Variants in ZC3H13 observed in about 807,000 individuals in gnomAD.
The protein encoded by ZC3H13 is zinc finger CCCH domain-containing protein 13.
A neutral mutation model predicts 204.1 loss-of-function variants in ZC3H13; 64 were observed. That is an observed-to-expected ratio of 0.31 (90% CI 0.26 to 0.39). ZC3H13 has a LOEUF of 0.39. ZC3H13 is among the 10% of genes least tolerant of loss of function. ZC3H13 has a pLI of 1.00. For synonymous variants in ZC3H13, 667 were observed against 693.7 expected (o/e 0.96, Z 0.60); for missense variants, 1,833 against 2,082.7 (o/e 0.88, Z 2.33).
chr13:46,014,598 C>T (rs1399996898), intron 5 of ZC3H13, among the ~76,000 whole-genome samples: 1 of 152,160 alleles, frequency 6.6e-6, no homozygotes, highest in Non-Finnish European at 1.5e-5. Context: ...GAGACGTTTT[C>T]TAAATTCATT....
At chr13:45,970,952 T>C (rs1013579523) in intron 12 of ZC3H13, among the ~76,000 whole-genome samples, 1 of 152,218 alleles carries the variant, frequency 6.6e-6, no homozygotes, top group Non-Finnish European at 1.5e-5. Flanking sequence ...TTGAAGTCAC[T>C]GAACCTTAGT....
At chr13:45,995,965 T>G (rs2040305676) in intron 8 of ZC3H13, among the ~76,000 whole-genome samples, 1 of 152,210 alleles carries the variant, frequency 6.6e-6, no homozygotes, top group African/African-American at 2.4e-5. Context: ...ATTTTTTCAT[T>G]TGACCACAAA....
At chr13:45,965,158 G>A in intron 16 of ZC3H13, 122 bp downstream of exon 16, 1 of 1,264,930 alleles carries the variant, frequency 7.9e-7, no homozygotes, top group East Asian at 2.7e-5. Context: ...TCAACCTTAA[G>A]TAAAATGTAA....
chr13:46,014,538 CA>C (rs1313802176), intron 5 of ZC3H13, among the ~76,000 whole-genome samples: 1 of 152,132 alleles, frequency 6.6e-6, no homozygotes, highest in African/African-American at 2.4e-5. Flanking sequence ...AACCTTTTTC[CA>C]ATGAGTTAGT....
In ZC3H13 at chr13:45,955,222, G is replaced by A. The variant is rs955449160; in HGVS notation, c.*1905C>T. 6.6e-6 allele frequency: 1 copy of A among 152,186 alleles called. No individual in the cohort carries two copies. The highest frequency in any genetic ancestry group is 1.5e-5 in the Non-Finnish European group (1 of 68,010). The allele number at this position is 152,186 out of a possible 1,614,324, so 9.4% of individuals were successfully genotyped here. A position where few individuals can be genotyped will look rare whatever the true frequency, so the allele number is the denominator to read the frequency against. ...TTAATTATGGTCCAAGAGCTTTTATGAGAAATTCAATCAAAAATTTTGCTT... is the reference window on the plus strand; with the variant it reads ...TTAATTATGGTCCAAGAGCTTTTATAAGAAATTCAATCAAAAATTTTGCTT... On this transcript the variant is annotated 3_prime_UTR_variant, in exon 19 of 19. Transcript: ENST00000679008.
At chr13:45,980,135 G>T in intron 10 of ZC3H13, 131 bp from the exon 11 acceptor site, 1 of 780,958 alleles carries the variant, frequency 1.3e-6, no homozygotes, top group Non-Finnish European at 1.8e-6. Flanking sequence ...AATCACTCCT[G>T]AAAAGAGTAT....
At chr13:45,971,048 AT>A (rs1219555587) in intron 12 of ZC3H13, among the ~76,000 whole-genome samples, 1 of 152,214 alleles carries the variant, frequency 6.6e-6, no homozygotes, top group East Asian at 1.9e-4. Flanking sequence ...TAAATTAGTT[AT>A]GTCATAAACC....
At chr13:45,979,150 G>A (rs1184330236) in intron 11 of ZC3H13, among the ~76,000 whole-genome samples, 1 of 151,932 alleles carries the variant, frequency 6.6e-6, no homozygotes, top group Non-Finnish European at 1.5e-5. Flanking sequence ...ATGTTTAAAG[G>A]CCCTAATAAG....
chr13:45,958,904 T>C (rs1417208142), intron 18 of ZC3H13, among the ~76,000 whole-genome samples: 1 of 152,104 alleles, frequency 6.6e-6, no homozygotes, highest in Non-Finnish European at 1.5e-5. Context: ...TTCACCTGCC[T>C]TGGCCTCCCA....
Position 46,010,360 on chromosome 13 carries a change from A to C in ZC3H13, c.734T>G (p.Leu245Trp). ...TCACCCTACTGACCTCTGCTGGTCC[A>C]ACAGGGGAGAAGATACTGCAGATGT... ...RKTSAVSSPLLDQQRNSKTNQ... is the reference protein window; with the variant it reads ...RKTSAVSSPLWDQQRNSKTNQ... Residue 245 changes from leucine to tryptophan, a missense_variant, in exon 7 of 19, where the codon TTG becomes TGG. Physicochemically the swap from Leu to Trp is moderately conservative, Grantham distance 61. Transcript: ENST00000679008. 2.5e-6 allele frequency: 4 copies of C among 1,612,524 alleles called. No homozygotes were observed. The highest frequency in any genetic ancestry group is 3.4e-6 in the Non-Finnish European group (4 of 1,178,758).
chr13:46,033,367 T>C (rs1226421941), intron 4 of ZC3H13, among the ~76,000 whole-genome samples: 1 of 152,108 alleles, frequency 6.6e-6, no homozygotes, highest in African/African-American at 2.4e-5. Flanking sequence ...AAGAACTATA[T>C]AGAAACCTTA....
intron 7 of ZC3H13, among the ~76,000 whole-genome samples, chr13:46,003,693 T>C (rs2040916696): frequency 6.6e-6 from 1 of 152,128 alleles, no homozygotes; most frequent in African/African-American, 2.4e-5. Flanking sequence ...CACCTATAAT[T>C]CTACTACTCA....
At chr13:45,997,278 G>T (rs942055064) in intron 8 of ZC3H13, among the ~76,000 whole-genome samples, 5 of 152,174 alleles carry the variant, frequency 3.3e-5, no homozygotes, top group Admixed American at 3.3e-4. Context: ...AATACTCTGG[G>T]AAGAGTACAT....
chr13:46,006,713 C>CATATATATATATATATATATAT (rs71184435), intron 7 of ZC3H13, among the ~76,000 whole-genome samples: 1,530 of 63,772 alleles, frequency 0.024, 327 homozygotes, highest in East Asian at 0.067. Context: ...AGTTCTTAGC[C>CATATATATATATATATATATAT]ATATATATAT....
intron 10 of ZC3H13, among the ~76,000 whole-genome samples, chr13:45,980,436 T>C (rs1953464377): frequency 6.6e-6 from 1 of 152,208 alleles, no homozygotes. Context: ...AACATTAAAC[T>C]GTATGTGAAA....
rs1320002012 is a variant in ZC3H13, at chr13:45,970,400, G to A, written c.2534C>T (p.Ser845Phe). 1.2e-6 allele frequency: 2 copies of A among 1,613,978 alleles called. No homozygotes were observed. The highest frequency in any genetic ancestry group is 1.7e-6 in the Non-Finnish European group (2 of 1,179,872). ...RQSPKRRREH[S>F]PDSDAYNSGD... ...ACTGTTGTAGGCATCACTGTCCGGA[G>A]AATGTTCACGCCGGCGCTTCGGGGA... The change falls in exon 13 of 19, where the codon TCT becomes TTT. Residue 845 changes from serine (S) to phenylalanine (F), a missense_variant. By Grantham distance (155) the Ser-to-Phe change is radical. Transcript: ENST00000679008.
chr13:46,042,306 A>C (rs2043642672), intron 3 of ZC3H13, 31 bp from the exon 4 acceptor site: 2 of 1,474,018 alleles, frequency 1.4e-6, no homozygotes, highest in Non-Finnish European at 9.4e-7. Context: ...ACAAAACAAA[A>C]AACGAAACAA....
chr13:46,044,167 T>C (rs1163159383), intron 3 of ZC3H13, among the ~76,000 whole-genome samples: 1 of 148,298 alleles, frequency 6.7e-6, no homozygotes, highest in Admixed American at 6.7e-5. Context: ...AAAAAATCAT[T>C]CAACTAAAAA....
chr13:46,007,084 T>C (rs2041209548), intron 7 of ZC3H13, among the ~76,000 whole-genome samples: 1 of 152,170 alleles, frequency 6.6e-6, no homozygotes, highest in African/African-American at 2.4e-5. Context: ...TAAAATTTCA[T>C]GATTAAACAA....
Sources: gnomAD v4.1 joint callset for allele counts (sites outside exome capture counted in the v4.1 genomes callset) on GRCh38, gnomAD v4.1.1 for gene constraint, MANE v1.5 for transcripts, NCBI Gene and HGNC (gene_info 2026-07-23, HGNC 2026-07-21) for gene names.